Variants in ROBO2 observed in about 807,000 individuals in gnomAD.
ROBO2 encodes roundabout guidance receptor 2, also known as roundabout homolog 2.
A neutral mutation model predicts 160.8 loss-of-function variants in ROBO2; 53 were observed. The observed-to-expected ratio is 0.33, with a 90% CI of 0.26 to 0.41. The LOEUF is 0.41. ROBO2 is among the 10% of genes least tolerant of loss of function. ROBO2 has a pLI of 1.00. For synonymous variants in ROBO2, 664 were observed against 611.7 expected (o/e 1.09, Z -1.26); for missense variants, 1,577 against 1,722.4 (o/e 0.92, Z 1.49).
At chr3:77,513,605 C>T (rs1311221340) in intron 5 of ROBO2, among the ~76,000 whole-genome samples, 1 of 151,786 alleles carries the variant, frequency 6.6e-6, no homozygotes, top group Non-Finnish European at 1.5e-5. Context: ...CAGAATGTTG[C>T]ATGCAAACTG....
At chr3:77,393,833 T>C (rs2074994099) in intron 2 of ROBO2, among the ~76,000 whole-genome samples, 1 of 151,862 alleles carries the variant, frequency 6.6e-6, no homozygotes, top group African/African-American at 2.4e-5. Flanking sequence ...AAATCTGGAG[T>C]TCTTTTCTTA....
intron 2 of ROBO2, among the ~76,000 whole-genome samples, chr3:76,013,011 A>G (rs935205079): frequency 7.9e-6 from 1 of 125,854 alleles, no homozygotes; most frequent in South Asian, 2.6e-4. Context: ...CCAGAAGTAA[A>G]ATATGCATAA....
intron 2 of ROBO2, among the ~76,000 whole-genome samples, chr3:76,677,445 T>C (rs545876411): frequency 6.6e-6 from 1 of 152,334 alleles, no homozygotes; most frequent in East Asian, 1.9e-4. Context: ...GGTATTTCTC[T>C]AAACGTCCCA....
intron 2 of ROBO2, among the ~76,000 whole-genome samples, chr3:77,118,764 G>A (rs1410546512): frequency 6.6e-6 from 1 of 152,164 alleles, no homozygotes; most frequent in East Asian, 1.9e-4. Context: ...TAAGAAATGA[G>A]ACATTAGGCA....
chr3:76,988,444 G>A (rs2060499967), intron 2 of ROBO2, among the ~76,000 whole-genome samples: 1 of 152,142 alleles, frequency 6.6e-6, no homozygotes, highest in Admixed American at 6.6e-5. Flanking sequence ...TGTATTGTGG[G>A]AGTTTGGGCT....
At chr3:76,712,394 G>A (rs749007326) in intron 2 of ROBO2, among the ~76,000 whole-genome samples, 2 of 152,078 alleles carry the variant, frequency 1.3e-5, no homozygotes, top group African/African-American at 2.4e-5. Context: ...CTGCTTTTAG[G>A]CCAGGCATGG....
At chr3:77,115,522 C>T (rs1036958813) in intron 2 of ROBO2, among the ~76,000 whole-genome samples, 4 of 152,140 alleles carry the variant, frequency 2.6e-5, no homozygotes, top group East Asian at 1.9e-4. Context: ...CTTGTGATAT[C>T]TTTGTGAATA....
intron 2 of ROBO2, among the ~76,000 whole-genome samples, chr3:77,414,024 G>C (rs888594865): frequency 2.0e-5 from 3 of 151,970 alleles, no homozygotes; most frequent in African/African-American, 7.3e-5. Context: ...GAGATCCCAA[G>C]ACTGAGCTTT....
At chr3:76,801,911 T>C (rs749705876) in intron 2 of ROBO2, among the ~76,000 whole-genome samples, 2 of 152,094 alleles carry the variant, frequency 1.3e-5, no homozygotes, top group Non-Finnish European at 2.9e-5. Flanking sequence ...TATTTCAATA[T>C]TGTTTTGTCT....
chr3:77,276,869 A>G (rs1313335154), intron 2 of ROBO2, among the ~76,000 whole-genome samples: 1 of 152,178 alleles, frequency 6.6e-6, no homozygotes, highest in Non-Finnish European at 1.5e-5. Flanking sequence ...CAGGCAAGAG[A>G]TCTTGTGCAG....
intron 2 of ROBO2, among the ~76,000 whole-genome samples, chr3:76,460,645 C>G (rs576810523): frequency 6.6e-6 from 1 of 152,154 alleles, no homozygotes; most frequent in African/African-American, 2.4e-5. Context: ...GAGTGAGCCA[C>G]GTTGAAAGCA....
At chr3:76,256,501 A>AT (rs113566702) in intron 2 of ROBO2, among the ~76,000 whole-genome samples, 6,520 of 151,936 alleles carry the variant, frequency 0.043, 399 homozygotes, top group African/African-American at 0.13. Context: ...GAGCCCAGAA[A>AT]TTCCAGACCA....
chr3:77,576,053 C>T (rs2093755075), intron 14 of ROBO2, among the ~76,000 whole-genome samples: 1 of 152,066 alleles, frequency 6.6e-6, no homozygotes, highest in Non-Finnish European at 1.5e-5. Context: ...TGTCAGGAAG[C>T]AGGCACGGTG....
intron 2 of ROBO2, among the ~76,000 whole-genome samples, chr3:77,409,814 A>G (rs1442970748): frequency 6.6e-6 from 1 of 152,178 alleles, no homozygotes; most frequent in South Asian, 2.1e-4. Context: ...ATTTCCAATT[A>G]TAAGACCAAG....
intron 2 of ROBO2, among the ~76,000 whole-genome samples, chr3:77,256,717 C>A (rs770242128): frequency 6.6e-6 from 1 of 152,082 alleles, no homozygotes; most frequent in Non-Finnish European, 1.5e-5. Flanking sequence ...GAGGCTTCTG[C>A]GAAGAGCAGA....
At chr3:76,710,258 C>G (rs751254448) in intron 2 of ROBO2, among the ~76,000 whole-genome samples, 1 of 151,918 alleles carries the variant, frequency 6.6e-6, no homozygotes, top group Non-Finnish European at 1.5e-5. Context: ...GTAGCTGGGA[C>G]TAGAGGTCCG....
chr3:76,466,619 A>G (rs140496337), intron 2 of ROBO2, among the ~76,000 whole-genome samples: 2 of 152,008 alleles, frequency 1.3e-5, no homozygotes, highest in African/African-American at 2.4e-5. Flanking sequence ...ATTTTTTCAT[A>G]TAAGCTTCTA....
intron 2 of ROBO2, among the ~76,000 whole-genome samples, chr3:75,939,454 C>T (rs78768406): frequency 6.6e-6 from 1 of 152,116 alleles, no homozygotes; most frequent in Non-Finnish European, 1.5e-5. Flanking sequence ...TATTAAAAAA[C>T]AGCCTGAAAT....
At chr3:77,131,719 A>G (rs1482384479) in intron 2 of ROBO2, among the ~76,000 whole-genome samples, 1 of 152,200 alleles carries the variant, frequency 6.6e-6, no homozygotes, top group Non-Finnish European at 1.5e-5. Context: ...AGTGTCTAGC[A>G]TAGTTATCAA....
Sources: gnomAD v4.1 joint callset for allele counts (sites outside exome capture counted in the v4.1 genomes callset) on GRCh38, gnomAD v4.1.1 for gene constraint, MANE v1.5 for transcripts, NCBI Gene and HGNC (gene_info 2026-07-23, HGNC 2026-07-21) for gene names.